Variants in PRKCE observed in about 807,000 individuals in gnomAD.
PRKCE encodes the protein protein kinase C epsilon type.
PRKCE carries 16 observed loss-of-function variants against 85.4 expected under a neutral mutation model. That is an observed-to-expected ratio of 0.19 (90% confidence interval 0.13 to 0.28). The LOEUF is 0.28. Ranked by LOEUF, PRKCE falls within the 10% of genes least tolerant of loss-of-function variation. PRKCE has a pLI of 1.00. For synonymous variants in PRKCE, 388 were observed against 371.5 expected (o/e 1.04, Z -0.51); for missense variants, 573 against 975.2 (o/e 0.59, Z 5.49).
chr2:45,707,727 G>A (rs944871825), intron 1 of PRKCE, among the ~76,000 whole-genome samples: 5 of 152,208 alleles, frequency 3.3e-5, no homozygotes, highest in Admixed American at 6.5e-5. Flanking sequence ...CACACAGTTC[G>A]TGACGAATAT....
intron 11 of PRKCE, among the ~76,000 whole-genome samples, chr2:46,126,785 C>T (rs1278087771): frequency 6.6e-6 from 1 of 152,074 alleles, no homozygotes; most frequent in African/African-American, 2.4e-5. Flanking sequence ...TGAATGCTAC[C>T]GTCACAGCCC....
At chr2:46,099,046 T>C (rs1207230288) in intron 11 of PRKCE, among the ~76,000 whole-genome samples, 1 of 152,180 alleles carries the variant, frequency 6.6e-6, no homozygotes, top group Non-Finnish European at 1.5e-5. Flanking sequence ...ATACTGCTAA[T>C]TGTTGCCACC....
chr2:45,881,807 G>A (rs942038498), intron 2 of PRKCE, among the ~76,000 whole-genome samples: 2 of 152,196 alleles, frequency 1.3e-5, no homozygotes, highest in African/African-American at 2.4e-5. Flanking sequence ...TTGAGGGAAC[G>A]AGATTGAATT....
chr2:45,940,162 A>T (rs765609860), intron 2 of PRKCE, among the ~76,000 whole-genome samples: 1 of 152,126 alleles, frequency 6.6e-6, no homozygotes, highest in Non-Finnish European at 1.5e-5. Flanking sequence ...CCTCTTTTCC[A>T]GTTCATCACC....
chr2:45,935,359 C>T (rs771402462), intron 2 of PRKCE, among the ~76,000 whole-genome samples: 9 of 152,210 alleles, frequency 5.9e-5, no homozygotes, highest in Non-Finnish European at 8.8e-5. Context: ...TAAACCCCCT[C>T]CTCTCAGAGC....
intron 1 of PRKCE, among the ~76,000 whole-genome samples, chr2:45,764,812 T>C (rs932239046): frequency 6.6e-6 from 1 of 152,218 alleles, no homozygotes; most frequent in Non-Finnish European, 1.5e-5. Flanking sequence ...AATTAGACTA[T>C]ATATATATTT....
At chr2:45,913,237 C>T (rs1697508198) in intron 2 of PRKCE, among the ~76,000 whole-genome samples, 1 of 152,208 alleles carries the variant, frequency 6.6e-6, no homozygotes, top group Non-Finnish European at 1.5e-5. Context: ...GCCTCAAACT[C>T]CCTGGGCTCA....
At chr2:45,756,904 A>G (rs573383793) in intron 1 of PRKCE, among the ~76,000 whole-genome samples, 1 of 152,152 alleles carries the variant, frequency 6.6e-6, no homozygotes, top group Non-Finnish European at 1.5e-5. Context: ...TGATTATGTG[A>G]TGGTTTCACA....
chr2:45,939,092 C>G (rs1699693238), intron 2 of PRKCE, among the ~76,000 whole-genome samples: 1 of 152,210 alleles, frequency 6.6e-6, no homozygotes, highest in South Asian at 2.1e-4. Flanking sequence ...CTATAAATCT[C>G]CCCGTTGTTT....
chr2:45,958,834 T>G (rs1277979915), intron 2 of PRKCE, among the ~76,000 whole-genome samples: 2 of 77,534 alleles, frequency 2.6e-5, no homozygotes, highest in African/African-American at 8.6e-5. Context: ...TTTTTTTTTT[T>G]TTTTTTTTTT....
intron 10 of PRKCE, among the ~76,000 whole-genome samples, chr2:46,065,612 G>A (rs140362632): frequency 1.3e-5 from 2 of 152,224 alleles, no homozygotes; most frequent in Admixed American, 6.5e-5. Flanking sequence ...TTTTCAGATC[G>A]ACTTTCCTGT....
intron 2 of PRKCE, among the ~76,000 whole-genome samples, chr2:45,922,979 G>A (rs1033970572): frequency 6.6e-6 from 1 of 152,136 alleles, no homozygotes; most frequent in East Asian, 1.9e-4. Context: ...AGGGCTTGAC[G>A]ATTATTTCCT....
At chr2:45,756,944 G>A (rs544488951) in intron 1 of PRKCE, among the ~76,000 whole-genome samples, 1 of 152,078 alleles carries the variant, frequency 6.6e-6, no homozygotes, top group Non-Finnish European at 1.5e-5. Flanking sequence ...ACTTATCAAG[G>A]TTTACTCTTA....
chr2:45,836,591 A>G (rs992963700), intron 1 of PRKCE, among the ~76,000 whole-genome samples: 1 of 151,984 alleles, frequency 6.6e-6, no homozygotes, highest in Non-Finnish European at 1.5e-5. Context: ...GGGTCTGGGG[A>G]TGGTAGTGTG....
intron 2 of PRKCE, among the ~76,000 whole-genome samples, chr2:45,898,495 G>A (rs75292004): frequency 4.6e-5 from 7 of 152,310 alleles, no homozygotes; most frequent in East Asian, 3.9e-4. Context: ...GGACTGGGTC[G>A]CTGGAGTCTG....
intron 1 of PRKCE, chr2:45,675,345 A>T (rs1676383069): frequency 6.6e-6 from 1 of 152,232 alleles, no homozygotes; most frequent in South Asian, 2.1e-4. Flanking sequence ...TGCTGTTTTT[A>T]AGTCTTTGCT....
At chr2:46,095,964 G>C (rs67425308) in intron 11 of PRKCE, among the ~76,000 whole-genome samples, 1 of 152,116 alleles carries the variant, frequency 6.6e-6, no homozygotes, top group Non-Finnish European at 1.5e-5. Flanking sequence ...TACAGTAGAA[G>C]CTCTTACTGT....
chr2:45,774,062 C>G lies in PRKCE; in HGVS notation c.349-68938C>G, dbSNP rs1193166853. On this transcript the variant is annotated intron_variant, in intron 1 of 14. Transcript: ENST00000306156. The surrounding 1 kb of genome is among the most constrained non-coding windows in gnomAD (Gnocchi z 4.3). ...TAGACCCCAGAGTCCTCCCCTCCCC[C>G]GCTGCTGCTGTTCATCTTGGGGGAC... 6.6e-6 allele frequency among the ~76,000 whole-genome samples: 1 copy of G among 152,222 alleles called. No individual in the cohort carries two copies.
At chr2:45,727,012 A>G (rs1681131602) in intron 1 of PRKCE, among the ~76,000 whole-genome samples, 1 of 152,208 alleles carries the variant, frequency 6.6e-6, no homozygotes, top group Non-Finnish European at 1.5e-5. Context: ...TGAGTTTGAG[A>G]TTTGACCTTA....
Sources: gnomAD v4.1 joint callset for allele counts (sites outside exome capture counted in the v4.1 genomes callset) on GRCh38, gnomAD v4.1.1 for gene constraint, Gnocchi (gnomAD v3.1) non-coding constraint, MANE v1.5 for transcripts, NCBI Gene and HGNC (gene_info 2026-07-23, HGNC 2026-07-21) for gene names.